Variants in FBP1 observed in about 807,000 individuals in gnomAD.
FBP1 encodes the protein fructose-1,6-bisphosphatase 1.
FBP1 carries 22 observed loss-of-function variants against 29.9 expected under a neutral mutation model. That is an observed-to-expected ratio of 0.74 (90% CI 0.53 to 1.05). The LOEUF is 1.05. Among genes scored for constraint, FBP1 ranks in the 50% least tolerant of loss-of-function variants. The pLI, the probability that FBP1 is intolerant of heterozygous loss-of-function variation, is 0.00. For missense variants in FBP1, 345 were observed against 448.2 expected, an observed-to-expected ratio of 0.77 and a Z score of 2.08; for synonymous variants, 175 against 178.6, an observed-to-expected ratio of 0.98 and a Z score of 0.16.
rs2297084 is a variant in FBP1, at chr9:94,606,801, G to C, written c.705+14C>G. ...GCCCAGAACCTGCACCACCCTCCCC[G>C]GGCCCTCACTTACTGGGGGGAACTT... On this transcript the variant is annotated intron_variant, in intron 5 of 6. Transcript: ENST00000375326. The C allele has an allele frequency of 6.2e-7, 1 of 1,611,228 alleles. No individual in the cohort carries two copies. The highest frequency in any genetic ancestry group is 8.5e-7 in the Non-Finnish European group (1 of 1,178,570).
chr9:94,606,952 C>T lies in FBP1; in HGVS notation c.568G>A (p.Ala190Thr), dbSNP rs1416353184. The T allele has an allele frequency of 6.2e-7, 1 of 1,613,956 alleles. No individual in the cohort carries two copies. The highest frequency in any genetic ancestry group is 1.7e-5 in the Admixed American group (1 of 60,000). The change falls in exon 5 of 7, where the codon GCC becomes ACC. Residue 190 changes from alanine (A) to threonine (T), a missense_variant and splice_region_variant. Ala to Thr is a moderately conservative substitution (Grantham distance 58). Coordinates refer to ENST00000375326, the MANE Select transcript of FBP1 (RefSeq NM_000507.4). ...CGVNCFMLDP[A>T]IGEFILVDKD... ...TCCACCAAAATGAACTCCCCGATGG[C>T]CTTTTTAGACAAGGAAGGAAAGGTG... is the stretch of plus-strand genomic sequence containing the variant.
At chr9:94,608,325 C>T (rs950491700) in intron 4 of FBP1, among the ~76,000 whole-genome samples, 1 of 152,188 alleles carries the variant, frequency 6.6e-6, no homozygotes, top group Non-Finnish European at 1.5e-5. Flanking sequence ...GAATCAAATC[C>T]CAGCAGCCCT....
intron 1 of FBP1, among the ~76,000 whole-genome samples, chr9:94,635,945 T>G (rs1400264410): frequency 1.3e-5 from 2 of 152,252 alleles, no homozygotes; most frequent in East Asian, 3.8e-4. Context: ...ATGTGTATTG[T>G]GATCCCATTT....
chr9:94,609,900 G>GC (rs1238982329), intron 4 of FBP1, 21 bp downstream of exon 4: 1 of 1,613,560 alleles, frequency 6.2e-7, no homozygotes, highest in Non-Finnish European at 8.5e-7. Flanking sequence ...CAAGCCCCCA[G>GC]CCTCCTGTGA....
chr9:94,639,212 C>T lies in FBP1; in HGVS notation c.99G>A (p.Gln33=), dbSNP rs1188342910. The T allele has an allele frequency of 6.2e-7, 1 of 1,601,796 alleles. No individual in the cohort carries two copies. The highest frequency in any genetic ancestry group is 8.5e-7 in the Non-Finnish European group (1 of 1,174,712). ...CTGCTGTGCAGAGCGAGTTGAGCAG[C>T]TGGGTCAACTCGCCCGTGCCGCGGG... ...RKARGTGELT[Q]LLNSLCTAVK... The change falls in exon 1 of 7, where the codon CAG becomes CAA. Residue 33 remains glutamine (Q), a synonymous_variant. Transcript: ENST00000375326.
chr9:94,620,243 G>T, intron 2 of FBP1, 86 bp downstream of exon 2: 1 of 1,432,134 alleles, frequency 7.0e-7, no homozygotes, highest in Non-Finnish European at 9.8e-7. Context: ...CAGAAACCCA[G>T]CTCAGCTGAA....
intron 6 of FBP1, chr9:94,603,798 G>C: frequency 1.7e-6 from 1 of 593,464 alleles, no homozygotes; most frequent in South Asian, 1.8e-5. Flanking sequence ...GCCAGTGCCA[G>C]CAATAGATTA....
chr9:94,624,162 C>G (rs1473367007), intron 1 of FBP1, among the ~76,000 whole-genome samples: 1 of 147,968 alleles, frequency 6.8e-6, no homozygotes, highest in African/African-American at 2.5e-5. Flanking sequence ...CATGGTGAAG[C>G]CCTCTCTCTA....
intron 2 of FBP1, among the ~76,000 whole-genome samples, chr9:94,619,231 C>T (rs1001025805): frequency 6.6e-6 from 1 of 152,154 alleles, no homozygotes; most frequent in African/African-American, 2.4e-5. Flanking sequence ...CTGGCATGTA[C>T]GGCTATTTTA....
intron 3 of FBP1, among the ~76,000 whole-genome samples, chr9:94,610,262 A>G (rs1482658161): frequency 5.3e-5 from 8 of 152,196 alleles, no homozygotes; most frequent in Non-Finnish European, 1.2e-4. Flanking sequence ...GATTTCCTGC[A>G]TCTGGATTCC....
chr9:94,607,089 G>T, intron 4 of FBP1, 137 bp from the exon 5 acceptor site: 2 of 1,010,378 alleles, frequency 2.0e-6, no homozygotes, highest in African/African-American at 1.6e-5. Context: ...GGGGCCCCGA[G>T]ACACCTGCCA....
At position 94,617,793 on chromosome 9, in the gene FBP1, C is replaced by T; in HGVS notation, c.401G>A (p.Gly134Glu). The T allele has an allele frequency of 2.5e-6, 4 of 1,613,692 alleles. No individual in the cohort carries two copies. Among genetic ancestry groups the T allele is most frequent in the Non-Finnish European group, 3.4e-6 (4 of 1,179,636 alleles). ...SSNIDCLVSVGTIFGIYRKKS... is the reference protein window; with the variant it reads ...SSNIDCLVSVETIFGIYRKKS... ...CTTTCTATAGATGCCAAAAATGGTT[C>T]CAACGGACACAAGGCAATCGATGTT... The change falls in exon 3 of 7, where the codon GGA (glycine) becomes GAA (glutamate). Residue 134 changes from glycine (G) to glutamate (E), a missense_variant. Coordinates refer to ENST00000375326, the MANE Select transcript of FBP1 (RefSeq NM_000507.4).
chr9:94,612,777 T>A (rs1382401044), intron 3 of FBP1, among the ~76,000 whole-genome samples: 1 of 151,760 alleles, frequency 6.6e-6, no homozygotes, highest in Non-Finnish European at 1.5e-5. Flanking sequence ...GCCAAGATGG[T>A]CTCGAACTCT....
At chr9:94,620,893 C>A (rs1383072709) in intron 1 of FBP1, among the ~76,000 whole-genome samples, 1 of 152,130 alleles carries the variant, frequency 6.6e-6, no homozygotes, top group Non-Finnish European at 1.5e-5. Flanking sequence ...GCATGTGTAT[C>A]CCAGAACTTA....
At chr9:94,612,549 A>ACTTTTTTTTTTTTTTT (rs1284753726) in intron 3 of FBP1, among the ~76,000 whole-genome samples, 1 of 108,028 alleles carries the variant, frequency 9.3e-6, no homozygotes, top group Non-Finnish European at 1.8e-5. Context: ...CCAGCCCCCA[A>ACTTTTTTTTTTTTTTT]TTTTTTTTTT....
chr9:94,633,219 A>G (rs906359558), intron 1 of FBP1, among the ~76,000 whole-genome samples: 24 of 151,926 alleles, frequency 1.6e-4, no homozygotes, highest in African/African-American at 5.6e-4. Flanking sequence ...CCATGCTCAG[A>G]CTTCTTCCAA....
At chr9:94,639,596 C>G (rs1828255230), upstream of FBP1, 2 of 536,782 alleles carry the variant, frequency 3.7e-6, no homozygotes, top group Non-Finnish European at 6.7e-6. Flanking sequence ...TCTTGCGCCC[C>G]GCCTACCCCG....
rs9695 is a variant in FBP1 at position 94,603,360 on chromosome 9, G to A, written c.*21C>T. Reference sequence around the variant, plus strand: ...AAGGTCCAGGTAGAGGCAATTCTCCGGATGCAGGCAGGGCAGGTGCTCACT... The same window carrying A: ...AAGGTCCAGGTAGAGGCAATTCTCCAGATGCAGGCAGGGCAGGTGCTCACT... On this transcript the variant is annotated 3_prime_UTR_variant, in exon 7 of 7. Coordinates refer to ENST00000375326, the MANE Select transcript of FBP1 (RefSeq NM_000507.4). 0.5 allele frequency: 808,253 copies of A among 1,603,824 alleles called. 206,469 individuals carry two copies. The highest frequency in any genetic ancestry group is 0.68 in the Admixed American group (40,335 of 59,360).
In FBP1 at chr9:94,639,148, C is replaced by G; in HGVS notation, c.163G>C (p.Ala55Pro). 1 of 1,599,422 alleles carries G rather than the reference C, an allele frequency of 6.3e-7. No individual in the cohort carries two copies. The highest frequency in any genetic ancestry group is 8.5e-7 in the Non-Finnish European group (1 of 1,173,622). ...ISSAVRKAGI[A>P]HLYGIAGSTN... ...GCCCAAGGCCCGACTCACAGGTGCG[C>G]GATGCCCGCCTTGCGCACCGCCGAA... Residue 55 changes from alanine to proline, a missense_variant, in exon 1 of 7, where the codon GCG becomes CCG. Transcript: ENST00000375326.
Sources: allele counts gnomAD v4.1 joint callset (sites outside exome capture counted in the v4.1 genomes callset), GRCh38; gene constraint gnomAD v4.1.1; transcripts MANE v1.5; gene names NCBI Gene and HGNC (gene_info 2026-07-23, HGNC 2026-07-21).